Variants in ROR1 observed in about 807,000 individuals in gnomAD.
ROR1 encodes the protein ROR family WNT receptor 1, also known as inactive tyrosine-protein kinase transmembrane receptor ROR1.
A neutral mutation model predicts 78.8 loss-of-function variants in ROR1; 19 were observed. The ratio of observed to expected loss-of-function variants is 0.24; its 90% CI spans 0.17 to 0.35. ROR1 has a LOEUF of 0.35. Ranked by LOEUF, ROR1 falls within the 10% of genes least tolerant of loss-of-function variation. The pLI is 1.00. For missense variants in ROR1, 917 were observed against 1,177.8 expected, an observed-to-expected ratio of 0.78 and a Z score of 3.24; for synonymous variants, 386 against 433.6, an observed-to-expected ratio of 0.89 and a Z score of 1.36.
intron 6 of ROR1, among the ~76,000 whole-genome samples, chr1:64,141,261 A>G (rs889318092): frequency 3.3e-5 from 5 of 152,202 alleles, no homozygotes; most frequent in African/African-American, 7.2e-5. Context: ...AGGAAGTTCA[A>G]TTGGCTCACG....
chr1:64,071,582 G>C (rs1024439890), intron 4 of ROR1, among the ~76,000 whole-genome samples: 9 of 106,470 alleles, frequency 8.5e-5, no homozygotes, highest in African/African-American at 2.8e-4. Context: ...CACCCACACA[G>C]ACACACACAC....
intron 1 of ROR1, among the ~76,000 whole-genome samples, chr1:63,977,898 A>T (rs1646174569): frequency 6.6e-6 from 1 of 152,186 alleles, no homozygotes; most frequent in Non-Finnish European, 1.5e-5. Context: ...TGTATCTTCT[A>T]TTCCATATCT....
At chr1:63,870,678 T>C (rs1388354839) in intron 1 of ROR1, among the ~76,000 whole-genome samples, 1 of 152,216 alleles carries the variant, frequency 6.6e-6, no homozygotes, top group African/African-American at 2.4e-5. Flanking sequence ...TTGCTGTCTC[T>C]GTCTGTCATC....
intron 4 of ROR1, among the ~76,000 whole-genome samples, chr1:64,120,627 C>T (rs1283886965): frequency 6.6e-6 from 1 of 152,080 alleles, no homozygotes; most frequent in African/African-American, 2.4e-5. Flanking sequence ...CTAGTTGCTA[C>T]CATACTGGAC....
intron 1 of ROR1, among the ~76,000 whole-genome samples, chr1:63,955,846 G>T (rs771991386): frequency 1.3e-5 from 2 of 152,132 alleles, no homozygotes; most frequent in Non-Finnish European, 2.9e-5. Context: ...GTGACTCAGG[G>T]GCTCTCTCGG....
At chr1:63,943,954 A>AC (rs1645862645) in intron 1 of ROR1, among the ~76,000 whole-genome samples, 1 of 152,160 alleles carries the variant, frequency 6.6e-6, no homozygotes, top group African/African-American at 2.4e-5. Context: ...ACACATACAC[A>AC]ACATAGCATC....
intron 1 of ROR1, among the ~76,000 whole-genome samples, chr1:63,837,729 G>A (rs599759): frequency 0.16 from 24,944 of 151,984 alleles, 4,316 homozygotes; most frequent in African/African-American, 0.44. Flanking sequence ...GCTGGAGTAG[G>A]AGGATCAGTT....
chr1:64,065,175 C>G (rs980022782), intron 4 of ROR1, among the ~76,000 whole-genome samples: 1 of 152,162 alleles, frequency 6.6e-6, no homozygotes, highest in East Asian at 1.9e-4. Flanking sequence ...CTGTGCCAGG[C>G]CTTTTTATAA....
At chr1:64,118,515 T>G (rs757656915) in intron 4 of ROR1, among the ~76,000 whole-genome samples, 2 of 151,200 alleles carry the variant, frequency 1.3e-5, no homozygotes, top group Non-Finnish European at 2.9e-5. Context: ...TAATCCCAGC[T>G]ACTCCGGAGG....
intron 2 of ROR1, among the ~76,000 whole-genome samples, chr1:64,014,976 C>T (rs539171660): frequency 2.1e-4 from 32 of 150,852 alleles, no homozygotes; most frequent in African/African-American, 6.6e-4. Context: ...AAGACATACC[C>T]GAGACTGGGA....
chr1:64,158,733 G>A (rs891257973), intron 7 of ROR1, among the ~76,000 whole-genome samples: 7 of 152,172 alleles, frequency 4.6e-5, no homozygotes, highest in Non-Finnish European at 8.8e-5. Flanking sequence ...ACCCACACAC[G>A]TACAAAGTCT....
At chr1:63,932,062 T>A (rs1645757148) in intron 1 of ROR1, among the ~76,000 whole-genome samples, 1 of 152,076 alleles carries the variant, frequency 6.6e-6, no homozygotes, top group South Asian at 2.1e-4. Flanking sequence ...ATGCTTGCAG[T>A]GAGGATTAAA....
intron 2 of ROR1, among the ~76,000 whole-genome samples, chr1:64,047,785 G>T (rs372096655): frequency 1.8e-4 from 28 of 152,298 alleles, no homozygotes; most frequent in East Asian, 1.3e-3. Context: ...ATAGATTGGA[G>T]AAACATGCCC....
At chr1:63,884,966 C>T (rs914695709) in intron 1 of ROR1, among the ~76,000 whole-genome samples, 4 of 152,024 alleles carry the variant, frequency 2.6e-5, no homozygotes, top group African/African-American at 9.7e-5. Context: ...CTGCTGCTCA[C>T]CTGCTGAGTA....
intron 1 of ROR1, among the ~76,000 whole-genome samples, chr1:63,929,002 CA>C (rs1211069213): frequency 6.6e-6 from 1 of 152,080 alleles, no homozygotes; most frequent in Non-Finnish European, 1.5e-5. Flanking sequence ...TGGGGCATCC[CA>C]GATGAAAAGG....
intron 1 of ROR1, among the ~76,000 whole-genome samples, chr1:63,901,541 A>C (rs948568676): frequency 6.6e-6 from 1 of 152,012 alleles, no homozygotes; most frequent in Admixed American, 6.6e-5. Flanking sequence ...TCAGATTCTA[A>C]TGATGTCTTT....
intron 1 of ROR1, among the ~76,000 whole-genome samples, chr1:63,857,792 GCTCCATTTC>G (rs572425733): frequency 3.3e-5 from 5 of 152,182 alleles, no homozygotes; most frequent in Non-Finnish European, 7.3e-5. Context: ...AGACTGTCTT[GCTCCATTTC>G]CTCAGCAGCT....
intron 1 of ROR1, among the ~76,000 whole-genome samples, chr1:63,805,296 G>A (rs754914494): frequency 2.0e-5 from 3 of 152,200 alleles, no homozygotes; most frequent in East Asian, 1.9e-4. Flanking sequence ...TGGGAAGCCC[G>A]TGGCCCAGGA....
intron 4 of ROR1, among the ~76,000 whole-genome samples, chr1:64,073,265 G>T (rs924557005): frequency 2.0e-5 from 3 of 152,098 alleles, no homozygotes; most frequent in African/African-American, 7.2e-5. Context: ...CCACTTGGGG[G>T]TCCTCATTCT....
Sources: allele counts gnomAD v4.1 joint callset (sites outside exome capture counted in the v4.1 genomes callset), GRCh38; gene constraint gnomAD v4.1.1; transcripts MANE v1.5; gene names NCBI Gene and HGNC (gene_info 2026-07-23, HGNC 2026-07-21).